SLC29A3: variants seen among roughly 807,000 people sequenced by gnomAD.
The protein encoded by SLC29A3 is equilibrative nucleoside transporter 3.
In SLC29A3, 18 loss-of-function variants were observed where a neutral mutation model predicts 25.4. That is an observed-to-expected ratio of 0.71 (90% confidence interval 0.49 to 1.05). The LOEUF (loss-of-function observed/expected upper bound fraction) is 1.05. Ranked by LOEUF, SLC29A3 falls within the 50% of genes least tolerant of loss-of-function variation. The pLI, the probability that SLC29A3 is intolerant of heterozygous loss-of-function variation, is 0.00. For synonymous variants in SLC29A3, 258 were observed against 267.1 expected (o/e 0.97, Z 0.33); for missense variants, 586 against 609.0 (o/e 0.96, Z 0.40).
intron 3 of SLC29A3, among the ~76,000 whole-genome samples, chr10:71,369,561 C>T (rs990328955): frequency 2.0e-5 from 3 of 152,190 alleles, no homozygotes; most frequent in Non-Finnish European, 2.9e-5. Flanking sequence ...ACAGGTGTAG[C>T]GTAAACAAAT....
chr10:71,356,205 G>A lies in SLC29A3; in HGVS notation c.735G>A (p.Met245Ile). 1 of 1,614,076 alleles carries A rather than the reference G, an allele frequency of 6.2e-7. No homozygotes were observed. The highest frequency in any genetic ancestry group is 8.5e-7 in the Non-Finnish European group (1 of 1,179,984). ...CCACTGTCTTCCTCGTGCTCTGCAT[G>A]GGACTCTACCTGCTGCTGTCCAGGC... ...LTATVFLVLC[M>I]GLYLLLSRLE... The change falls in exon 5 of 6, where the codon ATG becomes ATA. Residue 245 changes from methionine (M) to isoleucine (I), a missense_variant. Coordinates refer to ENST00000373189, the MANE Select transcript of SLC29A3 (RefSeq NM_018344.6).
At chr10:71,342,532 T>C (rs1186129552) in intron 2 of SLC29A3, among the ~76,000 whole-genome samples, 1 of 152,270 alleles carries the variant, frequency 6.6e-6, no homozygotes, top group Non-Finnish European at 1.5e-5. Flanking sequence ...AACCTGAGCC[T>C]GCTCGAAGAA....
At position 71,323,035 on chromosome 10, in the gene SLC29A3, C is replaced by T. The variant is rs761943585; in HGVS notation, c.281C>T (p.Pro94Leu). The part of the protein sequence containing the change: ...NSSSPATGED[P>L]EGSDILNYFE... Reference sequence around the variant, plus strand: ...TCCAGCCCAGCCACCGGGGAGGACCCTGAGGGCTCAGACATCCTGGTAAGG... The same window carrying T: ...TCCAGCCCAGCCACCGGGGAGGACCTTGAGGGCTCAGACATCCTGGTAAGG... The change falls in exon 2 of 6, where the codon CCT becomes CTT. Residue 94 changes from proline to leucine, a missense_variant. Transcript: ENST00000373189. The T allele has an allele frequency of 6.2e-7, 1 of 1,613,492 alleles. No homozygotes were observed. The highest frequency in any genetic ancestry group is 1.7e-5 in the Admixed American group (1 of 60,034).
chr10:71,319,491 C>G (rs1019201228), intron 1 of SLC29A3, 181 bp downstream of exon 1: 18 of 430,014 alleles, frequency 4.2e-5, no homozygotes, highest in Admixed American at 3.6e-4. Flanking sequence ...TCTCTGCCAC[C>G]CCTCTTTCTG....
At chr10:71,368,540 T>C (rs893048863) in intron 3 of SLC29A3, among the ~76,000 whole-genome samples, 2 of 152,194 alleles carry the variant, frequency 1.3e-5, no homozygotes, top group Admixed American at 1.3e-4. Flanking sequence ...ATGCCTGACC[T>C]GGGGGCAGGA....
intron 3 of SLC29A3, among the ~76,000 whole-genome samples, 192 bp from the exon 4 acceptor site, chr10:71,351,370 C>T (rs1846753104): frequency 6.6e-6 from 1 of 152,254 alleles, no homozygotes; most frequent in Admixed American, 6.5e-5. Context: ...GAAACCAGAG[C>T]AACTGAGTCC....
intron 2 of SLC29A3, among the ~76,000 whole-genome samples, chr10:71,328,061 G>A (rs968868546): frequency 6.6e-6 from 1 of 150,630 alleles, no homozygotes; most frequent in Admixed American, 6.6e-5. Context: ...GCCATTCCTT[G>A]CTGCAAGGCC....
downstream of SLC29A3, among the ~76,000 whole-genome samples, chr10:71,366,704 G>A (rs990598411): frequency 2.0e-5 from 3 of 152,140 alleles, no homozygotes; most frequent in Admixed American, 1.3e-4. Flanking sequence ...TGATGTGGGC[G>A]CTTAACTTCT....
intron 2 of SLC29A3, among the ~76,000 whole-genome samples, chr10:71,323,924 C>T (rs1845909630): frequency 1.3e-5 from 2 of 152,132 alleles, no homozygotes; most frequent in South Asian, 4.1e-4. Flanking sequence ...GAGATCATTG[C>T]CTGGGGCCTT....
chr10:71,348,884 G>A (rs989539556), intron 3 of SLC29A3, among the ~76,000 whole-genome samples: 26 of 152,310 alleles, frequency 1.7e-4, no homozygotes, highest in African/African-American at 5.8e-4. Context: ...ATGGGGACAG[G>A]AAAGGGAAGG....
intron 4 of SLC29A3, among the ~76,000 whole-genome samples, chr10:71,355,104 C>T (rs1846867056): frequency 6.6e-6 from 1 of 152,200 alleles, no homozygotes; most frequent in African/African-American, 2.4e-5. Context: ...TACTGTGTGC[C>T]AGGCCCTTTG....
At chr10:71,333,882 C>T (rs550006600) in intron 2 of SLC29A3, among the ~76,000 whole-genome samples, 40 of 152,280 alleles carry the variant, frequency 2.6e-4, no homozygotes, top group African/African-American at 9.1e-4. Context: ...GGTTTCTGAG[C>T]CCTTACTCTG....
chr10:71,358,400 T>C (rs1220629918), intron 5 of SLC29A3, among the ~76,000 whole-genome samples: 1 of 152,172 alleles, frequency 6.6e-6, no homozygotes, highest in Non-Finnish European at 1.5e-5. Context: ...GGGGCTGATC[T>C]GCTTGAGCTA....
rs12243734 is a variant in SLC29A3 at position 71,360,602 on chromosome 10, G to A, written c.774-1352G>A. 1.2e-3 allele frequency among the ~76,000 whole-genome samples: 179 copies of A among 152,290 alleles called. 1 individual carries two copies. Among genetic ancestry groups the A allele is most frequent in the Middle Eastern group, 6.8e-3 (2 of 294 alleles). On this transcript the variant is annotated intron_variant, in intron 5 of 5. Transcript: ENST00000373189. ...GGTGCTGGGCAGAGTTAAACTGGTAGTACCTATTAGGAGAGCAGTTTATCA... is the reference window on the plus strand; with the variant it reads ...GGTGCTGGGCAGAGTTAAACTGGTAATACCTATTAGGAGAGCAGTTTATCA...
intron 4 of SLC29A3, among the ~76,000 whole-genome samples, chr10:71,377,289 GCC>G (rs1011223477): frequency 6.6e-6 from 1 of 152,184 alleles, no homozygotes; most frequent in African/African-American, 2.4e-5. Flanking sequence ...ACCTGGAGAC[GCC>G]CACGGCAGTG....
chr10:71,352,687 C>T (rs1846796752), intron 4 of SLC29A3: 1 of 152,348 alleles, frequency 6.6e-6, no homozygotes, highest in Non-Finnish European at 1.5e-5. Context: ...GTGGGTATGC[C>T]TGTGCACGAC....
At chr10:71,338,229 CACAG>C (rs1275077903) in intron 2 of SLC29A3, among the ~76,000 whole-genome samples, 2 of 152,248 alleles carry the variant, frequency 1.3e-5, no homozygotes, top group Admixed American at 1.3e-4. Flanking sequence ...GCTGCCCACC[CACAG>C]ACACTCTTTA....
At chr10:71,319,400 C>G in intron 1 of SLC29A3, 90 bp downstream of exon 1, 1 of 557,686 alleles carries the variant, frequency 1.8e-6, no homozygotes, top group South Asian at 2.2e-5. Flanking sequence ...GCCCTGGGGG[C>G]GGCTGCGGGC....
intron 5 of SLC29A3, among the ~76,000 whole-genome samples, chr10:71,358,081 G>A (rs1846961368): frequency 6.6e-6 from 1 of 152,318 alleles, no homozygotes; most frequent in East Asian, 1.9e-4. Context: ...GAGAGCTGGG[G>A]AAACTGAAGC....
Sources: allele counts gnomAD v4.1 joint callset (sites outside exome capture counted in the v4.1 genomes callset), GRCh38; gene constraint gnomAD v4.1.1; transcripts MANE v1.5; gene names NCBI Gene and HGNC (gene_info 2026-07-23, HGNC 2026-07-21).